RIPK4: variants seen among roughly 807,000 people sequenced by gnomAD.
RIPK4 encodes receptor-interacting serine/threonine-protein kinase 4.
In RIPK4, 17 loss-of-function variants were observed where a neutral mutation model predicts 42.9. The observed-to-expected ratio is 0.40, with a 90% CI of 0.27 to 0.59. The LOEUF (loss-of-function observed/expected upper bound fraction) is 0.59, where lower values mean the gene tolerates loss of function less well. RIPK4 is among the 20% of genes least tolerant of loss of function. The pLI is 0.47. For missense variants in RIPK4, 897 were observed against 1,104.4 expected (o/e 0.81, Z 2.66); for synonymous variants, 498 against 499.1 (o/e 1.00, Z 0.03).
rs771190743 is a variant in RIPK4 at position 41,741,788 on chromosome 21, G to A, written c.1405C>T (p.Arg469Cys). The change falls in exon 8 of 8, where the codon CGT becomes TGT. Residue 469 changes from arginine to cysteine, a missense_variant. Arg to Cys is a radical substitution (Grantham distance 180). Transcript: ENST00000332512. ...ATGTGCAACGGGGTGGAGCCCCTAC[G>A]GTTGCTCAGGTTGGGGTTGGCATTG... ...LNNANPNLSN[R>C]RGSTPLHMAV... is the part of the protein sequence containing the mutation. The A allele has an allele frequency of 2.9e-5, 47 of 1,611,132 alleles. No individual in the cohort carries two copies. Among genetic ancestry groups the A allele is most frequent in the Admixed American group, 5.0e-5 (3 of 60,004 alleles).
chr21:41,749,599 G>T (rs2061182295), intron 3 of RIPK4, among the ~76,000 whole-genome samples: 1 of 152,146 alleles, frequency 6.6e-6, no homozygotes, highest in Non-Finnish European at 1.5e-5. Context: ...TGAATGATGG[G>T]CAACTCCCAT....
intron 2 of RIPK4, among the ~76,000 whole-genome samples, chr21:41,756,111 C>T (rs1183799441): frequency 6.6e-6 from 1 of 152,176 alleles, no homozygotes; most frequent in Non-Finnish European, 1.5e-5. Flanking sequence ...CCCACCACCC[C>T]GAGCTCCTGA....
chr21:41,744,664 C>T (rs369154402), intron 6 of RIPK4, among the ~76,000 whole-genome samples: 10 of 152,342 alleles, frequency 6.6e-5, no homozygotes, highest in South Asian at 2.1e-4. Context: ...TGGCGGGACA[C>T]AGCTGCCCAG....
chr21:41,740,956 C>T lies in RIPK4; in HGVS notation c.2237G>A (p.Arg746Gln), dbSNP rs144880660. 3.8e-5 allele frequency: 62 copies of T among 1,612,212 alleles called. No individual in the cohort carries two copies. Among genetic ancestry groups the T allele is most frequent in the African/African-American group, 2.5e-4 (19 of 75,046 alleles). Reference protein sequence around the residue: ...LSALHLAAQGRHAQTVETLLR... With the variant: ...LSALHLAAQGQHAQTVETLLR... ...CAGAGTCTCCACCGTCTGTGCGTGC[C>T]GGCCCTGGGCGGCCAGGTGCAGCGC... Residue 746 changes from arginine to glutamine, a missense_variant, in exon 8 of 8, where the codon CGG becomes CAG. Physicochemically the swap from Arg to Gln is conservative, Grantham distance 43. Transcript: ENST00000332512.
intron 1 of RIPK4, among the ~76,000 whole-genome samples, chr21:41,758,269 T>G (rs1339576187): frequency 6.6e-6 from 1 of 152,046 alleles, no homozygotes; most frequent in Non-Finnish European, 1.5e-5. Context: ...CCATCCTCAG[T>G]AACCTCTTTT....
intron 1 of RIPK4, among the ~76,000 whole-genome samples, chr21:41,758,863 C>G (rs1329549137): frequency 6.6e-6 from 1 of 152,230 alleles, no homozygotes; most frequent in Non-Finnish European, 1.5e-5. Flanking sequence ...CCTGTGTTTT[C>G]ACAGACTAGA....
Position 41,744,098 on chromosome 21 carries a change from C to T in RIPK4, c.979G>A (p.Asp327Asn), listed in dbSNP as rs559995058. The change falls in exon 7 of 8, where the codon GAT (aspartate) becomes AAT (asparagine). Residue 327 changes from aspartate to asparagine, a missense_variant. By Grantham distance (23) the Asp-to-Asn change is conservative (BLOSUM62 1). Transcript: ENST00000332512. ...RLKRASAPTF[D>N]NDYSLSELLS... ...AGCTCGGAGAGGCTGTAGTCGTTAT[C>T]GAAGGTGGGGGCAGAGGCCCGCTTG... 7.5e-6 allele frequency: 12 copies of T among 1,607,734 alleles called. No homozygotes were observed. In the East Asian group the frequency reaches 1.1e-4, roughly 15 times the overall value.
Position 41,756,561 on chromosome 21 carries a change from G to T in RIPK4, c.438C>A (p.Pro146=). The part of the protein sequence containing the change: ...APPLLHLDLK[P]ANILLDAHYH... ...AGTGGGCATCCAGCAGGATGTTCGCGGGCTTGAGGTCCAGGTGCAGGAGTG... is the reference window on the plus strand; with the variant it reads ...AGTGGGCATCCAGCAGGATGTTCGCTGGCTTGAGGTCCAGGTGCAGGAGTG... The change falls in exon 2 of 8, where the codon CCC becomes CCA. Residue 146 remains proline, a synonymous_variant. Transcript: ENST00000332512. 3 of 1,613,772 alleles carry T rather than the reference G, an allele frequency of 1.9e-6. No homozygotes were observed. In the South Asian group the frequency reaches 3.3e-5, roughly 18 times the overall value.
At chr21:41,749,102 C>G in intron 4 of RIPK4, 52 bp downstream of exon 4, 1 of 1,582,806 alleles carries the variant, frequency 6.3e-7, no homozygotes, top group Non-Finnish European at 8.7e-7. Flanking sequence ...GGTGTCCCCC[C>G]ATTATTCCAG....
intron 1 of RIPK4, among the ~76,000 whole-genome samples, chr21:41,758,491 G>A (rs572839177): frequency 3.3e-5 from 5 of 152,262 alleles, no homozygotes; most frequent in South Asian, 4.1e-4. Context: ...TTTGGCTCTC[G>A]TGGATAATGC....
chr21:41,743,238 C>T lies in RIPK4; in HGVS notation c.1195+644G>A, dbSNP rs537441869. On this transcript the variant is annotated intron_variant, in intron 7 of 7. Transcript: ENST00000332512. ...CAGGACCACATCTTACCCCTGCAGC[C>T]GGCAGAAAGGAGGCCAGAACAAGCA... Among the ~76,000 whole-genome samples, 208 of 152,210 alleles carry T rather than the reference C, an allele frequency of 1.4e-3. 1 individual carries two copies. Among genetic ancestry groups the T allele is most frequent in the African/African-American group, 4.7e-3 (197 of 41,512 alleles).
intron 2 of RIPK4, among the ~76,000 whole-genome samples, chr21:41,752,684 C>G (rs1322287856): frequency 6.6e-6 from 1 of 152,226 alleles, no homozygotes; most frequent in Non-Finnish European, 1.5e-5. Context: ...CGGGTCCTAA[C>G]TCTCCAAATA....
At position 41,740,078 on chromosome 21, in the gene RIPK4, G is replaced by C. The variant is rs1879005256; in HGVS notation, c.*760C>G. 6.6e-6 allele frequency: 1 copy of C among 152,002 alleles called. No homozygotes were observed. The highest frequency in any genetic ancestry group is 2.4e-5 in the African/African-American group (1 of 41,388). 9.4% of individuals were successfully genotyped at this position (152,002 alleles called of 1,614,324 possible). A position where few individuals can be genotyped will look rare whatever the true frequency, so the allele number is the denominator to read the frequency against. ...GACTTAGGCCTGTGGCTCTAGAGTT[G>C]CCAAAACATCTTAGGCAACGAGAAA... On this transcript the variant is annotated 3_prime_UTR_variant, in exon 8 of 8. Coordinates refer to ENST00000332512, the MANE Select transcript of RIPK4 (RefSeq NM_020639.3).
At chr21:41,757,139 T>C (rs993330633) in intron 1 of RIPK4, among the ~76,000 whole-genome samples, 1 of 152,172 alleles carries the variant, frequency 6.6e-6, no homozygotes, top group African/African-American at 2.4e-5. Flanking sequence ...GAGCCAAGGC[T>C]TGGGGGTCTC....
At chr21:41,746,843 G>C (rs758078007) in intron 4 of RIPK4, 72 bp from the exon 5 acceptor site, 10 of 1,490,838 alleles carry the variant, frequency 6.7e-6, no homozygotes, top group Non-Finnish European at 8.9e-6. Context: ...GGGAGGAAAC[G>C]ACACACTCGC....
chr21:41,756,378 G>A, intron 2 of RIPK4, 147 bp downstream of exon 2: 2 of 992,796 alleles, frequency 2.0e-6, no homozygotes, highest in Non-Finnish European at 2.9e-6. Context: ...TGCTGCAAAA[G>A]GCCTCGGTTT....
Position 41,751,217 on chromosome 21 carries a change from T to C in RIPK4, c.503A>G (p.Asn168Ser). 6.2e-7 allele frequency: 1 copy of C among 1,614,198 alleles called. No homozygotes were observed. The highest frequency in any genetic ancestry group is 8.5e-7 in the Non-Finnish European group (1 of 1,180,024). ...KISDFGLAKC[N>S]GLSHSHDLSM... is the part of the protein sequence containing the mutation. ...GAGGTCATGCGAGTGGGACAGCCCG[T>C]TGCACTTGGCCAGACCAAAATCAGA... Residue 168 changes from asparagine to serine, a missense_variant, in exon 3 of 8, where the codon AAC (asparagine) becomes AGC (serine). Transcript: ENST00000332512. The surrounding 1 kb of genome is among the most constrained non-coding windows in gnomAD (Gnocchi z 4.5).
rs181162715 is a variant in RIPK4 at position 41,757,802 on chromosome 21, C to A, written c.183-986G>T. On this transcript the variant is annotated intron_variant, in intron 1 of 7. Coordinates refer to ENST00000332512, the MANE Select transcript of RIPK4 (RefSeq NM_020639.3). ...GATCACAAGGTCAGGAGTTCGAGAC[C>A]AGCCTGATCAACATGGTGAAACCCT... Among the ~76,000 whole-genome samples the A allele has an allele frequency of 6.5e-3, 987 of 151,088 alleles. 8 individuals are homozygous for A. Among genetic ancestry groups the A allele is most frequent in the Non-Finnish European group, 8.6e-3 (585 of 67,816 alleles).
chr21:41,741,536 C>T lies in RIPK4; in HGVS notation c.1657G>A (p.Val553Met), dbSNP rs757583864. ...VACQHGQENI[V>M]RILLRRGVDV... ...ACGCCTCGGCGCAGCAGGATGCGCA[C>T]GATATTCTCCTGCCCGTGCTGGCAG... Residue 553 changes from valine to methionine, a missense_variant, in exon 8 of 8, where the codon GTG (valine) becomes ATG (methionine). By Grantham distance (21) the Val-to-Met change is conservative. Transcript: ENST00000332512. 1.1e-5 allele frequency: 17 copies of T among 1,612,300 alleles called. No homozygotes were observed. Among genetic ancestry groups the T allele is most frequent in the South Asian group, 4.4e-5 (4 of 91,088 alleles).
Sources: allele counts gnomAD v4.1 joint callset (sites outside exome capture counted in the v4.1 genomes callset), GRCh38; gene constraint gnomAD v4.1.1; non-coding constraint Gnocchi (gnomAD v3.1); transcripts MANE v1.5; gene names NCBI Gene and HGNC (gene_info 2026-07-23, HGNC 2026-07-21).